Variants in GRID1 observed in about 807,000 individuals in gnomAD.
GRID1 encodes glutamate receptor ionotropic, delta-1.
Under a neutral mutation model 98.0 loss-of-function variants are expected in GRID1, and 28 were observed. The observed-to-expected ratio is 0.29, with a 90% confidence interval of 0.21 to 0.39. The LOEUF (loss-of-function observed/expected upper bound fraction) is 0.39, where lower values mean the gene tolerates loss of function less well. Among genes scored for constraint, GRID1 ranks in the 10% least tolerant of loss-of-function variants. GRID1 has a pLI of 1.00. For missense variants in GRID1, 1,111 were observed against 1,340.5 expected, an observed-to-expected ratio of 0.83 and a Z score of 2.67; for synonymous variants, 553 against 538.5, an observed-to-expected ratio of 1.03 and a Z score of -0.37.
chr10:85,613,722 C>CA, intron 14 of GRID1, 75 bp from the exon 15 acceptor site: 1 of 1,540,200 alleles, frequency 6.5e-7, no homozygotes, highest in Admixed American at 1.8e-5. Context: ...GCCCCTGCCC[C>CA]ACCATGCTGG....
chr10:85,696,047 C>A (rs1434335549), intron 12 of GRID1, among the ~76,000 whole-genome samples: 1 of 152,046 alleles, frequency 6.6e-6, no homozygotes, highest in African/African-American at 2.4e-5. Context: ...GTTCCTAATT[C>A]TTTATATATG....
chr10:86,129,037 T>C (rs1844796972), intron 4 of GRID1, among the ~76,000 whole-genome samples: 1 of 152,210 alleles, frequency 6.6e-6, no homozygotes, highest in Non-Finnish European at 1.5e-5. Flanking sequence ...CTGCCTGGAC[T>C]CTGCCCTTCC....
intron 3 of GRID1, among the ~76,000 whole-genome samples, chr10:86,153,819 C>T (rs1377260910): frequency 1.3e-5 from 2 of 152,044 alleles, no homozygotes; most frequent in Non-Finnish European, 2.9e-5. Context: ...GCTGCCTACC[C>T]ATCCATCACA....
chr10:86,246,222 C>T lies in GRID1; in HGVS notation c.236-39574G>A, dbSNP rs1846724216. Among the ~76,000 whole-genome samples, 4 of 152,210 alleles carry T rather than the reference C, an allele frequency of 2.6e-5. No individual in the cohort carries two copies. The South Asian group carries it at 8.3e-4, about 32-fold the overall frequency. On this transcript the variant is annotated intron_variant, in intron 2 of 15. Coordinates refer to ENST00000327946, the MANE Select transcript of GRID1 (RefSeq NM_017551.3). ...TGGAGGGCAAAGGATGCTCTCCCCT[C>T]AGCTGCACTCACCGGCCCTGCCACT...
intron 5 of GRID1, among the ~76,000 whole-genome samples, chr10:85,910,475 T>C (rs1841522123): frequency 6.6e-6 from 1 of 152,346 alleles, no homozygotes; most frequent in African/African-American, 2.4e-5. Context: ...CCCTGGACTG[T>C]TGACAGAGGC....
At chr10:85,636,749 C>A (rs1013815745) in intron 13 of GRID1, among the ~76,000 whole-genome samples, 1 of 152,102 alleles carries the variant, frequency 6.6e-6, no homozygotes, top group African/African-American at 2.4e-5. Flanking sequence ...AAAAAATCCA[C>A]TGACAAATAA....
At chr10:85,974,044 G>A (rs1210356777) in intron 4 of GRID1, among the ~76,000 whole-genome samples, 4 of 152,190 alleles carry the variant, frequency 2.6e-5, no homozygotes, top group Admixed American at 1.3e-4. Context: ...CTCAGTGTGA[G>A]GGCAGTGTAT....
intron 2 of GRID1, among the ~76,000 whole-genome samples, chr10:86,288,063 G>T (rs1847460350): frequency 6.6e-6 from 1 of 152,146 alleles, no homozygotes; most frequent in Non-Finnish European, 1.5e-5. Flanking sequence ...GCCTCCTGGG[G>T]AAAAGGCAGC....
chr10:86,308,344 C>A (rs1427672502), intron 2 of GRID1, among the ~76,000 whole-genome samples: 3 of 152,252 alleles, frequency 2.0e-5, no homozygotes, highest in Non-Finnish European at 4.4e-5. Flanking sequence ...CTGGTCCCAG[C>A]CCCAGAGCCA....
At chr10:85,793,285 GC>G (rs1842497575) in intron 8 of GRID1, among the ~76,000 whole-genome samples, 1 of 152,074 alleles carries the variant, frequency 6.6e-6, no homozygotes, top group Admixed American at 6.5e-5. Flanking sequence ...TCCTTAGCCT[GC>G]CCCCACCTAG....
intron 3 of GRID1, among the ~76,000 whole-genome samples, chr10:86,161,541 C>T (rs1265347413): frequency 6.6e-6 from 1 of 152,132 alleles, no homozygotes; most frequent in Non-Finnish European, 1.5e-5. Context: ...TCAGTGAGTG[C>T]CCTAAGCCAA....
chr10:86,247,247 A>AGATGGATGGATAGATG (rs1286140168), intron 2 of GRID1, among the ~76,000 whole-genome samples: 1 of 91,300 alleles, frequency 1.1e-5, no homozygotes. Flanking sequence ...AGGGATGGAC[A>AGATGGATGGATAGATG]GATGGATGGA....
intron 4 of GRID1, among the ~76,000 whole-genome samples, chr10:85,920,127 C>T (rs1489135878): frequency 6.6e-6 from 1 of 152,136 alleles, no homozygotes; most frequent in East Asian, 1.9e-4. Context: ...CCTTGTTTGG[C>T]TTCCTTTATG....
At chr10:85,897,913 C>T (rs1346130672) in intron 5 of GRID1, among the ~76,000 whole-genome samples, 1 of 152,166 alleles carries the variant, frequency 6.6e-6, no homozygotes, top group African/African-American at 2.4e-5. Flanking sequence ...GCATCTCACC[C>T]TTCTTCTCTC....
At chr10:85,827,912 A>T (rs1440203595) in intron 8 of GRID1, among the ~76,000 whole-genome samples, 2 of 152,188 alleles carry the variant, frequency 1.3e-5, no homozygotes, top group Non-Finnish European at 2.9e-5. Flanking sequence ...TCAGGACTTG[A>T]ACTTGGCACT....
At chr10:85,683,470 T>A (rs1841233897) in intron 12 of GRID1, among the ~76,000 whole-genome samples, 1 of 152,226 alleles carries the variant, frequency 6.6e-6, no homozygotes, top group Non-Finnish European at 1.5e-5. Flanking sequence ...ACATAGGCAA[T>A]GCCTTGAGGA....
chr10:86,332,340 C>G (rs758319928), intron 2 of GRID1, among the ~76,000 whole-genome samples: 1 of 152,104 alleles, frequency 6.6e-6, no homozygotes, highest in African/African-American at 2.4e-5. Flanking sequence ...GAATTCTAGA[C>G]GGACCCCCTA....
intron 8 of GRID1, among the ~76,000 whole-genome samples, chr10:85,749,702 C>T (rs1319668071): frequency 1.3e-5 from 2 of 152,142 alleles, no homozygotes; most frequent in Admixed American, 6.6e-5. Context: ...GCCACACTGG[C>T]CCACTTTCTG....
intron 4 of GRID1, among the ~76,000 whole-genome samples, chr10:85,976,764 T>C (rs1331360310): frequency 6.6e-6 from 1 of 152,204 alleles, no homozygotes; most frequent in Admixed American, 6.5e-5. Flanking sequence ...CCTGTTTCCC[T>C]CTGTGTATGC....
Sources: allele counts gnomAD v4.1 joint callset (sites outside exome capture counted in the v4.1 genomes callset), GRCh38; gene constraint gnomAD v4.1.1; transcripts MANE v1.5; gene names NCBI Gene and HGNC (gene_info 2026-07-23, HGNC 2026-07-21).